CTNNA1: variants seen among roughly 807,000 people sequenced by gnomAD.
The protein encoded by CTNNA1 is catenin alpha-1.
A neutral mutation model predicts 98.4 loss-of-function variants in CTNNA1; 37 were observed. The ratio of observed to expected loss-of-function variants is 0.38; its 90% CI spans 0.29 to 0.49. The LOEUF is 0.49. CTNNA1 is among the 20% of genes least tolerant of loss of function. CTNNA1 has a pLI of 0.95. For missense variants in CTNNA1, 761 were observed against 1,147.2 expected (o/e 0.66, Z 4.86); for synonymous variants, 404 against 413.2 (o/e 0.98, Z 0.27).
chr5:138,851,181 G>T (rs1763151558), intron 7 of CTNNA1, among the ~76,000 whole-genome samples: 1 of 152,124 alleles, frequency 6.6e-6, no homozygotes, highest in African/African-American at 2.4e-5. Context: ...GGATGACAGG[G>T]GGCAGAGAAT....
intron 9 of CTNNA1, among the ~76,000 whole-genome samples, chr5:138,894,394 A>G (rs957020100): frequency 1.4e-5 from 2 of 144,968 alleles, no homozygotes; most frequent in Non-Finnish European, 3.0e-5. Flanking sequence ...TGATCCTCCC[A>G]TCTCAGCCTC....
intron 5 of CTNNA1, among the ~76,000 whole-genome samples, chr5:138,821,465 T>C (rs956688079): frequency 6.6e-6 from 1 of 152,274 alleles, no homozygotes; most frequent in African/African-American, 2.4e-5. Context: ...GGACACTGAA[T>C]AGTAATGTTA....
chr5:138,883,543 A>C (rs1753401480), intron 7 of CTNNA1, among the ~76,000 whole-genome samples: 1 of 152,228 alleles, frequency 6.6e-6, no homozygotes, highest in African/African-American at 2.4e-5. Context: ...ATTCTTTCAA[A>C]AGTCAAATTC....
chr5:138,847,099 C>A (rs986460839), intron 7 of CTNNA1, among the ~76,000 whole-genome samples: 5 of 152,074 alleles, frequency 3.3e-5, no homozygotes, highest in African/African-American at 4.8e-5. Context: ...TTGTTCTAGG[C>A]CCACTTGAAG....
chr5:138,838,020 G>A (rs1460106616), intron 7 of CTNNA1, among the ~76,000 whole-genome samples: 5 of 151,528 alleles, frequency 3.3e-5, no homozygotes, highest in Non-Finnish European at 5.9e-5. Context: ...GTTTCAATCA[G>A]CTCCCCAGTA....
intron 7 of CTNNA1, among the ~76,000 whole-genome samples, chr5:138,863,597 A>G (rs138616445): frequency 6.6e-6 from 1 of 152,294 alleles, no homozygotes; most frequent in Non-Finnish European, 1.5e-5. Flanking sequence ...ATTGTGTTAT[A>G]GATTCTTACC....
chr5:138,901,459 C>T (rs1758013678), intron 9 of CTNNA1, among the ~76,000 whole-genome samples: 1 of 152,196 alleles, frequency 6.6e-6, no homozygotes, highest in Admixed American at 6.5e-5. Context: ...CACACCCAGC[C>T]TCTTTCTTTT....
At chr5:138,848,006 C>T (rs1762879848) in intron 7 of CTNNA1, among the ~76,000 whole-genome samples, 1 of 152,182 alleles carries the variant, frequency 6.6e-6, no homozygotes. Context: ...CTTTACCTAG[C>T]TGAGATTCAG....
intron 7 of CTNNA1, among the ~76,000 whole-genome samples, chr5:138,837,537 C>A (rs543155828): frequency 7.8e-6 from 1 of 128,954 alleles, no homozygotes; most frequent in Non-Finnish European, 1.7e-5. Flanking sequence ...CTCCTCCCCC[C>A]CCTTTCCCCA....
Position 138,935,011 on chromosome 5 carries a change from A to G in CTNNA1, c.*922A>G, listed in dbSNP as rs1766247251. ...TTTACACTAACTAACTTTTCCCAAT[A>G]AAGTCCACTATGAAACCACGACATC... On this transcript the variant is annotated 3_prime_UTR_variant, in exon 18 of 18. Coordinates refer to ENST00000302763, the MANE Select transcript of CTNNA1 (RefSeq NM_001903.5). 6.6e-6 allele frequency: 1 copy of G among 152,242 alleles called. No individual in the cohort carries two copies. The highest frequency in any genetic ancestry group is 6.5e-5 in the Admixed American group (1 of 15,288). 9.4% of individuals were successfully genotyped at this position (152,242 alleles called of 1,614,324 possible). A position where few individuals can be genotyped will look rare whatever the true frequency, so the allele number is the denominator to read the frequency against.
rs565404349 is a variant in CTNNA1 at position 138,758,409 on chromosome 5, C to T, written c.-3+4899C>T. Among the ~76,000 whole-genome samples, 7 of 147,976 alleles carry T rather than the reference C, an allele frequency of 4.7e-5. No individual in the cohort carries two copies. The South Asian group carries it at 6.5e-4, about 14-fold the overall frequency. The stretch of plus-strand genomic sequence containing the variant: ...TGTTGTTGTTGTTGAGACGGAGTCT[C>T]GCTCTGTCACCAGGCTGGAGTGCAG... On this transcript the variant is annotated intron_variant, in intron 1 of 17. Transcript: ENST00000302763.
Position 138,874,042 on chromosome 5 carries a change from T to C in CTNNA1, c.1063-12170T>C, listed in dbSNP as rs1354960246. ...TACGACAGTCCCAGAACAGGCGTAC[T>C]GGGATAGTCCGCAGGGAGTTGGAAC... On this transcript the variant is annotated intron_variant, in intron 7 of 17. Transcript: ENST00000302763. This position sits in a 1 kb window ranked among gnomAD's most constrained non-coding sequence, Gnocchi z 4.1. 1.2e-6 allele frequency: 2 copies of C among 1,613,972 alleles called. No individual in the cohort carries two copies. Among genetic ancestry groups the C allele is most frequent in the East Asian group, 4.5e-5 (2 of 44,886 alleles).
At chr5:138,923,156 A>G (rs1763273522) in intron 11 of CTNNA1, among the ~76,000 whole-genome samples, 5 of 152,210 alleles carry the variant, frequency 3.3e-5, no homozygotes, top group Non-Finnish European at 7.3e-5. Context: ...GTTTCATCTT[A>G]ACGGTATTGT....
chr5:138,920,081 C>A (rs1762597924), intron 11 of CTNNA1, among the ~76,000 whole-genome samples: 1 of 147,520 alleles, frequency 6.8e-6, no homozygotes, highest in Admixed American at 7.0e-5. Context: ...GTAGTTCAAG[C>A]AATTCTCCTG....
chr5:138,861,251 C>T lies in CTNNA1; in HGVS notation c.1063-24961C>T, dbSNP rs1764247475. On this transcript the variant is annotated intron_variant, in intron 7 of 17. Coordinates refer to ENST00000302763, the MANE Select transcript of CTNNA1 (RefSeq NM_001903.5). ...GGCCAGGCTGGTCTCGAACTCCTGA[C>T]CTCAGGTGATTTGCCCACTTCAGCC... 2.6e-5 allele frequency among the ~76,000 whole-genome samples: 4 copies of T among 152,110 alleles called. No homozygotes were observed. The South Asian group carries it at 6.2e-4, about 24-fold the overall frequency.
intron 1 of CTNNA1, among the ~76,000 whole-genome samples, chr5:138,766,700 CA>C (rs1221033589): frequency 1.3e-5 from 2 of 151,938 alleles, no homozygotes; most frequent in African/African-American, 2.4e-5. Context: ...GGGAAGGCCA[CA>C]GGGGGAATGC....
At chr5:138,855,438 C>T (rs756910203) in intron 7 of CTNNA1, among the ~76,000 whole-genome samples, 1 of 152,228 alleles carries the variant, frequency 6.6e-6, no homozygotes, top group Non-Finnish European at 1.5e-5. Context: ...TGCAAAGTTA[C>T]CAGCAGATGC....
chr5:138,818,291 G>A (rs530987514), intron 5 of CTNNA1, among the ~76,000 whole-genome samples: 1 of 151,402 alleles, frequency 6.6e-6, no homozygotes, highest in South Asian at 2.1e-4. Flanking sequence ...TGGGAGCGGG[G>A]GTGGGTAGAG....
intron 1 of CTNNA1, among the ~76,000 whole-genome samples, chr5:138,767,711 A>AT (rs1474851138): frequency 1.3e-5 from 2 of 152,092 alleles, no homozygotes; most frequent in African/African-American, 4.8e-5. Flanking sequence ...CATTTTTCAA[A>AT]TTTTCTCAAT....
Sources: gnomAD v4.1 joint callset for allele counts (sites outside exome capture counted in the v4.1 genomes callset) on GRCh38, gnomAD v4.1.1 for gene constraint, Gnocchi (gnomAD v3.1) non-coding constraint, MANE v1.5 for transcripts, NCBI Gene and HGNC (gene_info 2026-07-23, HGNC 2026-07-21) for gene names.